Variants in DLG2 observed in about 807,000 individuals in gnomAD.
DLG2 encodes disks large homolog 2.
A neutral mutation model predicts 132.5 loss-of-function variants in DLG2; 45 were observed. The observed-to-expected ratio is 0.34, with a 90% CI of 0.27 to 0.44. The LOEUF is 0.44. DLG2 is among the 20% of genes least tolerant of loss of function. The probability of loss-of-function intolerance (pLI) is 1.00; values close to 1 mark genes in which losing one functional copy is unlikely to be tolerated. For missense variants in DLG2, 1,045 were observed against 1,196.9 expected, an observed-to-expected ratio of 0.87 and a Z score of 1.87; for synonymous variants, 424 against 419.6, an observed-to-expected ratio of 1.01 and a Z score of -0.13.
chr11:84,810,705 G>C (rs1309130695), intron 6 of DLG2, among the ~76,000 whole-genome samples: 1 of 152,104 alleles, frequency 6.6e-6, no homozygotes, highest in East Asian at 1.9e-4. Flanking sequence ...CAACCTCAGA[G>C]AGAATAATTA....
chr11:84,429,565 G>A (rs558707424), intron 7 of DLG2, among the ~76,000 whole-genome samples: 74 of 152,174 alleles, frequency 4.9e-4, no homozygotes, highest in Admixed American at 1.2e-3. Context: ...AATTTATAAT[G>A]GTTTAATAAT....
At chr11:85,395,321 C>T (rs180690526) in intron 3 of DLG2, among the ~76,000 whole-genome samples, 23 of 152,266 alleles carry the variant, frequency 1.5e-4, no homozygotes, top group African/African-American at 4.8e-4. Context: ...CTCTGGTCTG[C>T]AGCTCCCAGC....
At chr11:85,398,959 G>T (rs979720444) in intron 3 of DLG2, among the ~76,000 whole-genome samples, 4 of 152,074 alleles carry the variant, frequency 2.6e-5, no homozygotes, top group Non-Finnish European at 4.4e-5. Context: ...GAAATAAAGG[G>T]TATTCAATTA....
At chr11:83,793,958 TAC>T (rs1566984765) in intron 17 of DLG2, among the ~76,000 whole-genome samples, 1 of 152,216 alleles carries the variant, frequency 6.6e-6, no homozygotes, top group African/African-American at 2.4e-5. Context: ...CTAGCACTTA[TAC>T]ATTAGAGATG....
chr11:83,608,252 G>T (rs2059619404), intron 19 of DLG2, among the ~76,000 whole-genome samples: 1 of 152,046 alleles, frequency 6.6e-6, no homozygotes, highest in Non-Finnish European at 1.5e-5. Flanking sequence ...ACTTAAATTA[G>T]CCTACAGTGG....
At chr11:83,486,552 T>C (rs1236298306) in intron 21 of DLG2, among the ~76,000 whole-genome samples, 1 of 152,120 alleles carries the variant, frequency 6.6e-6, no homozygotes, top group East Asian at 1.9e-4. Context: ...AATTCTTTTA[T>C]GTTTCAAAGC....
intron 6 of DLG2, among the ~76,000 whole-genome samples, chr11:85,071,048 G>A (rs559593594): frequency 3.3e-5 from 5 of 151,874 alleles, no homozygotes; most frequent in Non-Finnish European, 5.9e-5. Flanking sequence ...ATCTCTCTAC[G>A]CCTCTGTTTC....
rs886101995 is a variant in DLG2, at chr11:84,194,464, C to G, written c.574-30953G>C. On this transcript the variant is annotated intron_variant, in intron 8 of 27. Transcript: ENST00000376104. ...ACCCAAAGAGTGAGCAGCAGGAAGA[C>G]TTATTGCAAACAGTGAAAGAACAAA... 2.6e-5 allele frequency among the ~76,000 whole-genome samples: 4 copies of G among 152,178 alleles called. No individual in the cohort carries two copies. In the South Asian group the frequency reaches 8.3e-4, roughly 32 times the overall value.
intron 6 of DLG2, among the ~76,000 whole-genome samples, chr11:84,862,165 A>G (rs1264093369): frequency 6.6e-6 from 1 of 152,084 alleles, no homozygotes; most frequent in Non-Finnish European, 1.5e-5. Flanking sequence ...GTGCACATGT[A>G]CCCTAAAACT....
At chr11:84,079,353 G>C (rs1306278536) in intron 10 of DLG2, among the ~76,000 whole-genome samples, 1 of 150,194 alleles carries the variant, frequency 6.7e-6, no homozygotes, top group Non-Finnish European at 1.5e-5. Context: ...GCACAATCTT[G>C]GCTCACTGCA....
chr11:85,212,512 A>G (rs2152569654), intron 4 of DLG2, among the ~76,000 whole-genome samples: 1 of 152,240 alleles, frequency 6.6e-6, no homozygotes, highest in Middle Eastern at 3.4e-3. Flanking sequence ...CAGGAAAACA[A>G]CCATTAATAT....
At chr11:83,966,401 A>G (rs2090203318) in intron 12 of DLG2, among the ~76,000 whole-genome samples, 1 of 152,008 alleles carries the variant, frequency 6.6e-6, no homozygotes, top group Non-Finnish European at 1.5e-5. Flanking sequence ...TCATTGTGTT[A>G]ACAGAAATGC....
chr11:85,382,511 T>C (rs1174149254), intron 3 of DLG2, among the ~76,000 whole-genome samples: 1 of 151,914 alleles, frequency 6.6e-6, no homozygotes, highest in Non-Finnish European at 1.5e-5. Context: ...AATATAGACT[T>C]CATAAAAATT....
Position 83,809,885 on chromosome 11 carries a change from T to C in DLG2, c.1723-23093A>G, listed in dbSNP as rs1349045415. On this transcript the variant is annotated intron_variant, in intron 17 of 27. Transcript: ENST00000376104. ...TTAGAAGACAGATGCATGCATGCCA[T>C]CCATTTGCAGAGAATGCATCATTGC... 2.6e-5 allele frequency among the ~76,000 whole-genome samples: 4 copies of C among 152,174 alleles called. No homozygotes were observed. The East Asian group carries it at 7.7e-4, about 29-fold the overall frequency.
intron 18 of DLG2, among the ~76,000 whole-genome samples, chr11:83,733,836 G>A (rs2091441099): frequency 6.6e-6 from 1 of 152,176 alleles, no homozygotes; most frequent in Non-Finnish European, 1.5e-5. Context: ...TTGTGAAGTG[G>A]AGAAGTCTGG....
intron 11 of DLG2, among the ~76,000 whole-genome samples, chr11:84,038,670 A>C (rs2154101721): frequency 6.6e-6 from 1 of 152,220 alleles, no homozygotes; most frequent in African/African-American, 2.4e-5. Flanking sequence ...TCCATATTCT[A>C]TGTATATATA....
chr11:83,899,502 G>A (rs2072791826), intron 15 of DLG2, among the ~76,000 whole-genome samples: 1 of 152,158 alleles, frequency 6.6e-6, no homozygotes, highest in Non-Finnish European at 1.5e-5. Flanking sequence ...TTGTGGGAGG[G>A]ACCTGGTGGG....
chr11:85,112,189 C>A (rs2072880513), intron 5 of DLG2, among the ~76,000 whole-genome samples: 1 of 152,102 alleles, frequency 6.6e-6, no homozygotes, highest in Non-Finnish European at 1.5e-5. Flanking sequence ...TTTCATAGAA[C>A]TCCAGAATGT....
At chr11:85,384,558 T>G (rs2086165467) in intron 3 of DLG2, among the ~76,000 whole-genome samples, 1 of 152,110 alleles carries the variant, frequency 6.6e-6, no homozygotes, top group South Asian at 2.1e-4. Context: ...ACTAAATATT[T>G]TTTGTTTGTT....
Sources: gnomAD v4.1 joint callset for allele counts (sites outside exome capture counted in the v4.1 genomes callset) on GRCh38, gnomAD v4.1.1 for gene constraint, MANE v1.5 for transcripts, NCBI Gene and HGNC (gene_info 2026-07-23, HGNC 2026-07-21) for gene names.